The following ACYP2 variants were observed in gnomAD, a reference collection of about 807,000 sequenced individuals.
The protein encoded by ACYP2 is acylphosphatase 2, also known as acylphosphatase-2.
Under a neutral mutation model 11.2 loss-of-function variants are expected in ACYP2, and 12 were observed. The ratio of observed to expected loss-of-function variants is 1.08; its 90% confidence interval spans 0.69 to 1.74. The LOEUF is 1.74. Among genes scored for constraint, ACYP2 ranks in the 40% most tolerant of loss-of-function variants. ACYP2 has a pLI of 0.00. For missense variants in ACYP2, 134 were observed against 101.9 expected, an observed-to-expected ratio of 1.31 and a Z score of -1.35; for synonymous variants, 43 against 32.2, an observed-to-expected ratio of 1.33 and a Z score of -1.13.
At chr2:54,096,732 C>T (rs906887685) in intron 4 of ACYP2, among the ~76,000 whole-genome samples, 1 of 152,180 alleles carries the variant, frequency 6.6e-6, no homozygotes, top group African/African-American at 2.4e-5. Flanking sequence ...ACTCGGCAGG[C>T]TGAGGCAGGA....
At chr2:54,173,328 G>T (rs971473343) in intron 6 of ACYP2, among the ~76,000 whole-genome samples, 3 of 152,268 alleles carry the variant, frequency 2.0e-5, no homozygotes, top group African/African-American at 4.8e-5. Flanking sequence ...GTGTCTGTTG[G>T]CTGCATAAAT....
chr2:54,030,450 G>C (rs1377997725), intron 2 of ACYP2: 1 of 160,824 alleles, frequency 6.2e-6, no homozygotes, highest in East Asian at 1.7e-4. Context: ...ATTTCCCTAG[G>C]TTTAACTATT....
chr2:54,193,870 A>T (rs569367547), intron 6 of ACYP2, among the ~76,000 whole-genome samples: 19 of 152,326 alleles, frequency 1.2e-4, no homozygotes, highest in African/African-American at 4.3e-4. Context: ...GGGAAAAAAT[A>T]GAAACACTCT....
intron 4 of ACYP2, among the ~76,000 whole-genome samples, chr2:54,108,786 T>C (rs768678589): frequency 6.6e-6 from 1 of 152,212 alleles, no homozygotes; most frequent in Non-Finnish European, 1.5e-5. Flanking sequence ...CCTGATGTAA[T>C]ATTAACTTTA....
intron 6 of ACYP2, among the ~76,000 whole-genome samples, chr2:54,204,760 C>G (rs1685003203): frequency 6.6e-6 from 1 of 152,174 alleles, no homozygotes; most frequent in African/African-American, 2.4e-5. Context: ...TGCTTCTGCT[C>G]TTTTCTCTCT....
intron 2 of ACYP2, among the ~76,000 whole-genome samples, chr2:54,049,479 C>G (rs981090061): frequency 6.6e-6 from 1 of 152,146 alleles, no homozygotes; most frequent in Non-Finnish European, 1.5e-5. Context: ...ACAAACAAAA[C>G]CTTCCCTTGT....
At chr2:54,008,571 A>G (rs1673195074) in intron 2 of ACYP2, among the ~76,000 whole-genome samples, 4 of 152,164 alleles carry the variant, frequency 2.6e-5, no homozygotes, top group Admixed American at 2.6e-4. Context: ...AGAGGCAAAG[A>G]ATTACATTCT....
chr2:54,201,656 TTC>T (rs1392934492), intron 6 of ACYP2, among the ~76,000 whole-genome samples: 6 of 102,622 alleles, frequency 5.8e-5, no homozygotes, highest in South Asian at 4.0e-4. Context: ...CTTTCTTTCT[TTC>T]TTTCTTTCTT....
At chr2:54,093,232 T>C in intron 4 of ACYP2, among the ~76,000 whole-genome samples, 1 of 152,144 alleles carries the variant, frequency 6.6e-6, no homozygotes. Context: ...AGATAATATC[T>C]AAGGGTGATA....
At position 54,149,507 on chromosome 2, in the gene ACYP2, C is replaced by CT. The variant is rs941215928; in HGVS notation, c.404+10768dup. Among the ~76,000 whole-genome samples the CT allele has an allele frequency of 5.6e-4, 84 of 150,932 alleles. 1 individual carries two copies. The highest frequency in any genetic ancestry group is 1.4e-3 in the East Asian group (7 of 5,146). ...TTTTGAATCTATTGTTTTATTATGT[C>CT]TTTTTTTTTGCAAAATTAAGAATAT... On this transcript the variant is annotated intron_variant, in intron 6 of 6. Transcript: ENST00000607452.
intron 6 of ACYP2, among the ~76,000 whole-genome samples, chr2:54,182,719 G>A (rs1331057736): frequency 6.6e-6 from 1 of 152,204 alleles, no homozygotes; most frequent in Non-Finnish European, 1.5e-5. Context: ...AGTCAGTCAC[G>A]CAAAGTCACA....
At chr2:54,015,645 TCACACACACACA>T (rs4027206) in intron 2 of ACYP2, among the ~76,000 whole-genome samples, 1,499 of 130,464 alleles carry the variant, frequency 0.011, 23 homozygotes, top group African/African-American at 0.039. Context: ...TGAGACCCCG[TCACACACACACA>T]CACACACACA....
At chr2:54,232,171 C>T (rs11903579) in intron 6 of ACYP2, among the ~76,000 whole-genome samples, 1,864 of 152,182 alleles carry the variant, frequency 0.012, 34 homozygotes, top group African/African-American at 0.043. Context: ...AATTCTTCAC[C>T]GGGTTCTATC....
Position 54,292,667 on chromosome 2 carries a change from TATACACAC to T in ACYP2, c.405-12019_405-12012del, listed in dbSNP as rs1452567596. The stretch of plus-strand genomic sequence containing the variant: ...ATTTCTGATTGTGTGTGTATATATG[TATACACAC>T]ACACACACACACACACACACACACA... On this transcript the variant is annotated intron_variant, in intron 6 of 6. Coordinates refer to ENST00000607452, the MANE Select transcript of ACYP2 (RefSeq NM_001320586.2). Among the ~76,000 whole-genome samples, 4 of 53,372 alleles carry T rather than the reference TATACACAC, an allele frequency of 7.5e-5. No individual in the cohort carries two copies. In the East Asian group the frequency reaches 1.5e-3, roughly 20 times the overall value. The allele number at this position is 53,372 out of a possible 152,430, so 35.0% of individuals were successfully genotyped here. A position where few individuals can be genotyped will look rare whatever the true frequency, so the allele number is the denominator to read the frequency against.
Position 54,255,805 on chromosome 2 carries a change from G to A in ACYP2, c.405-48883G>A, listed in dbSNP as rs13424808. 1.6e-3 allele frequency: 2,540 copies of A among 1,613,778 alleles called. 45 individuals carry two copies. The African/African-American group carries it at 0.031, about 19-fold the overall frequency. ...ACCTAGGCCGTGCGTCTCTTCACCC[G>A]GAAAGCCATTTTTGAGGCTGCCGTC... is the stretch of plus-strand genomic sequence containing the variant. On this transcript the variant is annotated intron_variant, in intron 6 of 6. Transcript: ENST00000607452.
chr2:54,019,493 C>T (rs944636413), intron 2 of ACYP2, among the ~76,000 whole-genome samples: 3 of 151,794 alleles, frequency 2.0e-5, no homozygotes, highest in Non-Finnish European at 2.9e-5. Context: ...CCTCCAGCCT[C>T]GTTTTGCATA....
intron 2 of ACYP2, among the ~76,000 whole-genome samples, chr2:53,988,786 C>T (rs1213685848): frequency 6.6e-6 from 1 of 151,604 alleles, no homozygotes; most frequent in Non-Finnish European, 1.5e-5. Context: ...CACTCTGTCA[C>T]CTGGGCTGGA....
intron 6 of ACYP2, among the ~76,000 whole-genome samples, chr2:54,233,363 G>A (rs779717282): frequency 6.9e-6 from 1 of 145,914 alleles, no homozygotes. Flanking sequence ...CTGGAGTGCA[G>A]TGGCTCACTG....
At chr2:54,174,557 C>A (rs1683355970) in intron 6 of ACYP2, among the ~76,000 whole-genome samples, 1 of 152,152 alleles carries the variant, frequency 6.6e-6, no homozygotes, top group African/African-American at 2.4e-5. Context: ...ACTTCCGACC[C>A]TATGTTGAAT....
Sources: gnomAD v4.1 joint callset for allele counts (sites outside exome capture counted in the v4.1 genomes callset) on GRCh38, gnomAD v4.1.1 for gene constraint, MANE v1.5 for transcripts, NCBI Gene and HGNC (gene_info 2026-07-23, HGNC 2026-07-21) for gene names.